GRID2: variants seen among roughly 807,000 people sequenced by gnomAD.
The protein encoded by GRID2 is glutamate receptor ionotropic, delta-2.
A neutral mutation model predicts 114.8 loss-of-function variants in GRID2; 33 were observed. The ratio of observed to expected loss-of-function variants is 0.29; its 90% CI spans 0.22 to 0.38. GRID2 has a LOEUF of 0.38. Ranked by LOEUF, GRID2 falls within the 10% of genes least tolerant of loss-of-function variation. GRID2 has a pLI of 1.00. For missense variants in GRID2, 1,184 were observed against 1,257.7 expected (o/e 0.94, Z 0.89); for synonymous variants, 505 against 449.9 (o/e 1.12, Z -1.55).
chr4:92,392,508 C>T (rs779980770), intron 1 of GRID2, among the ~76,000 whole-genome samples: 33 of 152,050 alleles, frequency 2.2e-4, no homozygotes, highest in Non-Finnish European at 4.1e-4. Context: ...CACTGCACTC[C>T]AGCCTGGCAG....
chr4:92,528,379 ATTGT>A (rs1243816831), intron 1 of GRID2, among the ~76,000 whole-genome samples: 2 of 151,382 alleles, frequency 1.3e-5, no homozygotes, highest in African/African-American at 4.8e-5. Flanking sequence ...CTTAAGAATC[ATTGT>A]TTGAAGATTG....
chr4:93,021,745 A>T (rs1723364541), intron 2 of GRID2, among the ~76,000 whole-genome samples: 1 of 145,564 alleles, frequency 6.9e-6, no homozygotes, highest in South Asian at 2.1e-4. Context: ...GAATATTATA[A>T]TTATTTATAA....
At chr4:93,504,620 T>C (rs1190439468) in intron 12 of GRID2, among the ~76,000 whole-genome samples, 1 of 152,074 alleles carries the variant, frequency 6.6e-6, no homozygotes, top group East Asian at 1.9e-4. Flanking sequence ...TATATTTGTG[T>C]ATACCTATGA....
At chr4:92,876,332 TC>T (rs1286935050) in intron 2 of GRID2, among the ~76,000 whole-genome samples, 5 of 151,862 alleles carry the variant, frequency 3.3e-5, no homozygotes, top group Admixed American at 3.3e-4. Flanking sequence ...GGAGTCTCGC[TC>T]TGTCGCCCAG....
chr4:92,743,822 C>A (rs1737014083), intron 2 of GRID2, among the ~76,000 whole-genome samples: 1 of 152,140 alleles, frequency 6.6e-6, no homozygotes, highest in Non-Finnish European at 1.5e-5. Context: ...GGAAATTAAA[C>A]CTTCTCTTTA....
intron 14 of GRID2, among the ~76,000 whole-genome samples, chr4:93,655,811 T>A (rs1722945431): frequency 1.3e-5 from 2 of 152,096 alleles, no homozygotes; most frequent in Admixed American, 1.3e-4. Context: ...TGCATATTGA[T>A]TCTTTATGTA....
Position 92,939,009 on chromosome 4 carries a change from G to A in GRID2, c.245-145986G>A, listed in dbSNP as rs979193641. Reference sequence around the variant, plus strand: ...TTCCAAGTCTTTGCTATTGTGAATAGTGCCGCAATAAACATACATGTGTGG... The same window carrying A: ...TTCCAAGTCTTTGCTATTGTGAATAATGCCGCAATAAACATACATGTGTGG... On this transcript the variant is annotated intron_variant, in intron 2 of 15. Coordinates refer to ENST00000282020, the MANE Select transcript of GRID2 (RefSeq NM_001510.4). 2.7e-5 allele frequency among the ~76,000 whole-genome samples: 4 copies of A among 147,046 alleles called. 1 individual carries two copies. The East Asian group carries it at 8.6e-4, about 32-fold the overall frequency.
rs544446130 is a variant in GRID2 at position 92,849,535 on chromosome 4, T to A, written c.245-235460T>A. Among the ~76,000 whole-genome samples, 20 of 152,070 alleles carry A rather than the reference T, an allele frequency of 1.3e-4. No homozygotes were observed. The South Asian group carries it at 4.1e-3, about 31-fold the overall frequency. On this transcript the variant is annotated intron_variant, in intron 2 of 15. Coordinates refer to ENST00000282020, the MANE Select transcript of GRID2 (RefSeq NM_001510.4). ...TATAACAAAATAGTAATTTTAATAA[T>A]TTAAACAGTTGTGCTTTTCTTTGAT...
intron 11 of GRID2, among the ~76,000 whole-genome samples, chr4:93,459,393 T>C (rs1723529701): frequency 6.6e-6 from 1 of 152,008 alleles, no homozygotes; most frequent in Non-Finnish European, 1.5e-5. Flanking sequence ...ATGTTAAGAT[T>C]TGGTGAAGGA....
intron 1 of GRID2, among the ~76,000 whole-genome samples, chr4:93,799,281 T>C (rs997063600): frequency 2.0e-5 from 3 of 152,210 alleles, no homozygotes; most frequent in African/African-American, 7.2e-5. Context: ...TCAACACATC[T>C]TTACTGAGGG....
At position 93,466,007 on chromosome 4, in the gene GRID2, A is replaced by G. The variant is rs72668740; in HGVS notation, c.1858+10033A>G. Among the ~76,000 whole-genome samples, 3 of 152,194 alleles carry G rather than the reference A, an allele frequency of 2.0e-5. No homozygotes were observed. In the East Asian group the frequency reaches 5.8e-4, roughly 29 times the overall value. Reference sequence around the variant, plus strand: ...TTGTGATTCAAGATGTTTGCAATTTATATAGTAAATTCTTTGGGGCTCATA... The same window carrying G: ...TTGTGATTCAAGATGTTTGCAATTTGTATAGTAAATTCTTTGGGGCTCATA... On this transcript the variant is annotated intron_variant, in intron 11 of 15. Coordinates refer to ENST00000282020, the MANE Select transcript of GRID2 (RefSeq NM_001510.4).
rs953795483 is a variant in GRID2 at position 93,632,091 on chromosome 4, A to T, written c.2360+5656A>T. Among the ~76,000 whole-genome samples, 8 of 152,018 alleles carry T rather than the reference A, an allele frequency of 5.3e-5. 1 individual carries two copies. In the Middle Eastern group the frequency reaches 0.014, roughly 260 times the overall value. ...TGTTTTTTCCTTGTAAGTTTGTTTGAGTTCTTTGTAGATTCTGGATATTAG... is the reference window on the plus strand; with the variant it reads ...TGTTTTTTCCTTGTAAGTTTGTTTGTGTTCTTTGTAGATTCTGGATATTAG... On this transcript the variant is annotated intron_variant, in intron 14 of 15. Coordinates refer to ENST00000282020, the MANE Select transcript of GRID2 (RefSeq NM_001510.4).
intron 2 of GRID2, among the ~76,000 whole-genome samples, chr4:92,594,906 C>T (rs1231815706): frequency 1.3e-5 from 2 of 151,730 alleles, no homozygotes; most frequent in Non-Finnish European, 2.9e-5. Context: ...TAAAATGGGC[C>T]ATGAAAGGTG....
chr4:92,419,066 A>C (rs573148863), intron 1 of GRID2, among the ~76,000 whole-genome samples: 1 of 152,106 alleles, frequency 6.6e-6, no homozygotes, highest in African/African-American at 2.4e-5. Context: ...TGCCTCTGCT[A>C]TAGTGGGATA....
At chr4:93,520,562 CAAG>C (rs1285138301) in intron 13 of GRID2, among the ~76,000 whole-genome samples, 54 of 151,936 alleles carry the variant, frequency 3.6e-4, no homozygotes, top group Admixed American at 3.5e-3. Flanking sequence ...AGAGAAATGT[CAAG>C]AAGATCAGTG....
intron 1 of GRID2, among the ~76,000 whole-genome samples, chr4:92,360,560 A>T (rs575919229): frequency 6.6e-6 from 1 of 152,172 alleles, no homozygotes; most frequent in African/African-American, 2.4e-5. Flanking sequence ...GCATATCAAC[A>T]AATTTAAAGC....
intron 12 of GRID2, among the ~76,000 whole-genome samples, chr4:93,499,905 C>G (rs1264684807): frequency 6.6e-6 from 1 of 151,788 alleles, no homozygotes; most frequent in Admixed American, 6.6e-5. Context: ...GGTAGTAAAC[C>G]CAGGCAATCT....
chr4:93,503,884 G>A (rs1209915379), intron 12 of GRID2, among the ~76,000 whole-genome samples: 1 of 152,026 alleles, frequency 6.6e-6, no homozygotes, highest in African/African-American at 2.4e-5. Context: ...ACTGAGAAGA[G>A]GAATGTATCT....
At chr4:93,287,686 A>G (rs75745765) in intron 8 of GRID2, among the ~76,000 whole-genome samples, 8,138 of 152,272 alleles carry the variant, frequency 0.053, 541 homozygotes, top group East Asian at 0.26. Context: ...AACATGTGAC[A>G]TCAGCATTTT....
Sources: gnomAD v4.1 joint callset for allele counts (sites outside exome capture counted in the v4.1 genomes callset) on GRCh38, gnomAD v4.1.1 for gene constraint, MANE v1.5 for transcripts, NCBI Gene and HGNC (gene_info 2026-07-23, HGNC 2026-07-21) for gene names.